Variants in PDZD2 observed in about 807,000 individuals in gnomAD.
PDZD2 encodes PDZ domain-containing protein 2.
PDZD2 carries 90 observed loss-of-function variants against 220.7 expected under a neutral mutation model. The ratio of observed to expected loss-of-function variants is 0.41; its 90% CI spans 0.34 to 0.49. The LOEUF (loss-of-function observed/expected upper bound fraction) is 0.49. Among genes scored for constraint, PDZD2 ranks in the 20% least tolerant of loss-of-function variants. PDZD2 has a pLI of 0.28. For missense variants in PDZD2, 3,174 were observed against 3,608.5 expected (o/e 0.88, Z 3.08); for synonymous variants, 1,375 against 1,450.5 (o/e 0.95, Z 1.18).
chr5:31,734,240 G>A (rs1256017053), intron 1 of PDZD2, among the ~76,000 whole-genome samples: 1 of 152,136 alleles, frequency 6.6e-6, no homozygotes, highest in Non-Finnish European at 1.5e-5. Flanking sequence ...CCCTCTCGGG[G>A]TGTTCCACTC....
chr5:32,087,975 C>G lies in PDZD2; in HGVS notation c.4527C>G (p.Pro1509=). ...SQPSVLDSIN[P]DKHFTVNKNF... is the part of the protein sequence containing the mutation. ...CTTCGGTTTTAGATTCAATTAATCCCGACAAACATTTTACTGTGAACAAAA... is the reference window on the plus strand; with the variant it reads ...CTTCGGTTTTAGATTCAATTAATCCGGACAAACATTTTACTGTGAACAAAA... The change falls in exon 20 of 25, where the codon CCC becomes CCG. Residue 1509 remains proline, a synonymous_variant. Transcript: ENST00000438447. The surrounding 1 kb of genome is among the most constrained non-coding windows in gnomAD (Gnocchi z 4.0). 6.2e-7 allele frequency: 1 copy of G among 1,614,136 alleles called. No individual in the cohort carries two copies. Among genetic ancestry groups the G allele is most frequent in the East Asian group, 2.2e-5 (1 of 44,876 alleles).
intron 2 of PDZD2, among the ~76,000 whole-genome samples, chr5:31,903,732 T>C (rs1430730000): frequency 6.6e-6 from 1 of 152,146 alleles, no homozygotes; most frequent in Non-Finnish European, 1.5e-5. Flanking sequence ...TTTTTGTTTT[T>C]TTCTTTTTGA....
intron 2 of PDZD2, among the ~76,000 whole-genome samples, chr5:31,956,316 A>G (rs1747675429): frequency 6.7e-6 from 1 of 148,392 alleles, no homozygotes; most frequent in Non-Finnish European, 1.5e-5. Flanking sequence ...AAACAACAGA[A>G]AAGATCAATG....
chr5:32,079,269 C>CAAAA (rs796887034), intron 19 of PDZD2, among the ~76,000 whole-genome samples: 2 of 82,838 alleles, frequency 2.4e-5, no homozygotes, highest in African/African-American at 1.1e-4. Context: ...AAAAAAAAAA[C>CAAAA]AAAAAAAAAA....
intron 24 of PDZD2, among the ~76,000 whole-genome samples, chr5:32,103,250 A>G (rs922880699): frequency 7.9e-5 from 12 of 152,132 alleles, no homozygotes; most frequent in African/African-American, 1.7e-4. Flanking sequence ...TAAAACAAAC[A>G]AACAAACAAA....
rs572388636 is a variant in PDZD2, at chr5:31,797,765, T to G, written c.-360-1124T>G. ...AGCACGCTATATTGGAAATTTCTTTTTGGTTACTGAGTAATAAGGTCATTT... is the reference window on the plus strand; with the variant it reads ...AGCACGCTATATTGGAAATTTCTTTGTGGTTACTGAGTAATAAGGTCATTT... On this transcript the variant is annotated intron_variant, in intron 1 of 24. Coordinates refer to ENST00000438447, the MANE Select transcript of PDZD2 (RefSeq NM_178140.4). Among the ~76,000 whole-genome samples, 6 of 152,364 alleles carry G rather than the reference T, an allele frequency of 3.9e-5. No individual in the cohort carries two copies. The South Asian group carries it at 1.2e-3, about 32-fold the overall frequency.
chr5:31,916,253 G>A lies in PDZD2; in HGVS notation c.477-66902G>A, dbSNP rs529595899. Among the ~76,000 whole-genome samples the A allele has an allele frequency of 1.1e-3, 168 of 152,348 alleles. 1 individual carries two copies. Among genetic ancestry groups the A allele is most frequent in the African/African-American group, 3.6e-3 (149 of 41,592 alleles). On this transcript the variant is annotated intron_variant, in intron 2 of 24. Coordinates refer to ENST00000438447, the MANE Select transcript of PDZD2 (RefSeq NM_178140.4). The stretch of plus-strand genomic sequence containing the variant: ...GTTGGTGGCTTTGGTTGCCCTGCCC[G>A]GAGCAGGCTCATCTCCCTCGGTGTC...
At chr5:31,788,741 G>C (rs967908809) in intron 1 of PDZD2, among the ~76,000 whole-genome samples, 4 of 152,150 alleles carry the variant, frequency 2.6e-5, no homozygotes, top group Non-Finnish European at 4.4e-5. Flanking sequence ...GGGAGTCTCA[G>C]TAGTTTGTAT....
chr5:31,923,479 G>A (rs923470986), intron 2 of PDZD2: 4 of 980,550 alleles, frequency 4.1e-6, no homozygotes, highest in Non-Finnish European at 6.6e-6. Context: ...GGATTTAAGA[G>A]GGGTGCAGAT....
chr5:32,095,960 G>A (rs949216482), intron 21 of PDZD2, among the ~76,000 whole-genome samples: 4 of 150,184 alleles, frequency 2.7e-5, no homozygotes, highest in Non-Finnish European at 5.9e-5. Flanking sequence ...AGCCAGGATG[G>A]GCTCCATCTC....
At position 32,022,189 on chromosome 5, in the gene PDZD2, T is replaced by TG. The variant is rs1417961392; in HGVS notation, c.1407+11707_1407+11708insG. 2.5e-4 allele frequency among the ~76,000 whole-genome samples: 36 copies of TG among 145,070 alleles called. 1 individual carries two copies. The highest frequency in any genetic ancestry group is 1.5e-3 in the South Asian group (7 of 4,630). The stretch of plus-strand genomic sequence containing the variant: ...CTTTTTTCGTTTTGTTTTTTTGTTT[T>TG]TTTGTTTTTTGTTTTTTTTTGGAGT... On this transcript the variant is annotated intron_variant, in intron 6 of 24. Coordinates refer to ENST00000438447, the MANE Select transcript of PDZD2 (RefSeq NM_178140.4).
At chr5:32,003,314 ACCC>A (rs1752473089) in intron 5 of PDZD2, among the ~76,000 whole-genome samples, 1 of 66,540 alleles carries the variant, frequency 1.5e-5, no homozygotes, top group Non-Finnish European at 2.9e-5. Flanking sequence ...CACCACACAC[ACCC>A]CACACACACA....
Position 32,087,326 on chromosome 5 carries a change from G to C in PDZD2, c.3878G>C (p.Gly1293Ala). ...RLPHEGSPSPGEKAAAPPDYS... is the reference protein window; with the variant it reads ...RLPHEGSPSPAEKAAAPPDYS... ...CCCCATGAGGGCAGCCCCTCCCCGGGGGAGAAAGCAGCGGCTCCCCCTGAC... is the reference window on the plus strand; with the variant it reads ...CCCCATGAGGGCAGCCCCTCCCCGGCGGAGAAAGCAGCGGCTCCCCCTGAC... The change falls in exon 20 of 25, where the codon GGG becomes GCG. Residue 1293 changes from glycine (G) to alanine (A), a missense_variant. Physicochemically the swap from Gly to Ala is moderately conservative, Grantham distance 60. Coordinates refer to ENST00000438447, the MANE Select transcript of PDZD2 (RefSeq NM_178140.4). The surrounding 1 kb of genome is among the most constrained non-coding windows in gnomAD (Gnocchi z 4.0). 6.2e-7 allele frequency: 1 copy of C among 1,614,156 alleles called. No homozygotes were observed. Among genetic ancestry groups the C allele is most frequent in the South Asian group, 1.1e-5 (1 of 91,084 alleles).
intron 1 of PDZD2, among the ~76,000 whole-genome samples, chr5:31,713,485 T>G (rs905052036): frequency 1.3e-5 from 2 of 152,238 alleles, no homozygotes; most frequent in Non-Finnish European, 2.9e-5. Context: ...TTTGGATATT[T>G]GAGCCCTGCA....
In PDZD2 at chr5:32,073,868, T is replaced by C; in HGVS notation, c.2762T>C (p.Leu921Pro). The change falls in exon 18 of 25, where the codon CTC (leucine) becomes CCC (proline). Residue 921 changes from leucine (L) to proline (P), a missense_variant. By Grantham distance (98) the Leu-to-Pro change is moderately conservative. Transcript: ENST00000438447. Reference sequence around the variant, plus strand: ...CCTGGAAAACCCAGAGCCAACAGCCTCGTGACTCTTGGGAGCCATCGGGCT... The same window carrying C: ...CCTGGAAAACCCAGAGCCAACAGCCCCGTGACTCTTGGGAGCCATCGGGCT... ...KEPGKPRANS[L>P]VTLGSHRASG... is the part of the protein sequence containing the mutation. 6.2e-7 allele frequency: 1 copy of C among 1,613,772 alleles called. No homozygotes were observed. Among genetic ancestry groups the C allele is most frequent in the South Asian group, 1.1e-5 (1 of 91,030 alleles).
chr5:31,707,038 T>G (rs1747858351), intron 1 of PDZD2, among the ~76,000 whole-genome samples: 1 of 151,090 alleles, frequency 6.6e-6, no homozygotes, highest in African/African-American at 2.4e-5. Flanking sequence ...CCTCATCCAG[T>G]AAGACTGGTG....
chr5:31,828,178 T>G (rs1756345890), intron 2 of PDZD2, among the ~76,000 whole-genome samples: 2 of 152,216 alleles, frequency 1.3e-5, no homozygotes, highest in Non-Finnish European at 2.9e-5. Flanking sequence ...TTTGTGTGAG[T>G]ATGTTTTCAG....
At chr5:32,105,803 C>A (rs912075359) in intron 24 of PDZD2, among the ~76,000 whole-genome samples, 1 of 152,220 alleles carries the variant, frequency 6.6e-6, no homozygotes, top group African/African-American at 2.4e-5. Context: ...ACATATCCTG[C>A]TCAAATCTGT....
In PDZD2 at chr5:31,986,523, A is replaced by G. The variant is rs183542046; in HGVS notation, c.978+2867A>G. On this transcript the variant is annotated intron_variant, in intron 3 of 24. Transcript: ENST00000438447. ...TTCTGATGGCACCAAAATTGGAACC[A>G]ATAGACCTTCATACAAGATTGTTTA... is the stretch of plus-strand genomic sequence containing the variant. Among the ~76,000 whole-genome samples, 5 of 152,284 alleles carry G rather than the reference A, an allele frequency of 3.3e-5. No homozygotes were observed. In the East Asian group the frequency reaches 9.7e-4, roughly 29 times the overall value.
Sources: allele counts gnomAD v4.1 joint callset (sites outside exome capture counted in the v4.1 genomes callset), GRCh38; gene constraint gnomAD v4.1.1; non-coding constraint Gnocchi (gnomAD v3.1); transcripts MANE v1.5; gene names NCBI Gene and HGNC (gene_info 2026-07-23, HGNC 2026-07-21).